Variants in PTPRG observed in about 807,000 individuals in gnomAD.
PTPRG encodes receptor-type tyrosine-protein phosphatase gamma.
Under a neutral mutation model 165.3 loss-of-function variants are expected in PTPRG, and 102 were observed. The observed-to-expected ratio is 0.62, with a 90% CI of 0.53 to 0.73. PTPRG has a LOEUF of 0.73. Ranked by LOEUF, PTPRG falls within the 30% of genes least tolerant of loss-of-function variation. PTPRG has a pLI of 0.00. For missense variants in PTPRG, 1,866 were observed against 1,861.4 expected (o/e 1.00, Z -0.05); for synonymous variants, 675 against 669.5 (o/e 1.01, Z -0.13).
At chr3:62,072,744 C>T (rs924899579) in intron 4 of PTPRG, among the ~76,000 whole-genome samples, 1 of 152,004 alleles carries the variant, frequency 6.6e-6, no homozygotes, top group Admixed American at 6.6e-5. Flanking sequence ...CCTTCCCTTG[C>T]AAAAGAGAGG....
intron 4 of PTPRG, among the ~76,000 whole-genome samples, chr3:62,053,006 C>A (rs1700512174): frequency 6.6e-6 from 1 of 152,064 alleles, no homozygotes; most frequent in South Asian, 2.1e-4. Flanking sequence ...ATTTTTAAAC[C>A]ATTTCTTAGA....
intron 5 of PTPRG, among the ~76,000 whole-genome samples, chr3:62,094,272 T>G (rs1702037115): frequency 6.6e-6 from 1 of 152,056 alleles, no homozygotes; most frequent in Admixed American, 6.5e-5. Flanking sequence ...TTCCAAAGAG[T>G]GTGGATCTAG....
At chr3:61,755,158 C>T (rs1323560827) in intron 2 of PTPRG, among the ~76,000 whole-genome samples, 1 of 152,160 alleles carries the variant, frequency 6.6e-6, no homozygotes. Context: ...CAGGCATGTG[C>T]CACCACGCCC....
chr3:62,123,289 C>G (rs1703148804), intron 5 of PTPRG, among the ~76,000 whole-genome samples: 1 of 152,158 alleles, frequency 6.6e-6, no homozygotes, highest in Non-Finnish European at 1.5e-5. Flanking sequence ...CCAAAGGCTG[C>G]TGTCACTTCC....
At chr3:61,890,972 T>C (rs1243860988) in intron 2 of PTPRG, among the ~76,000 whole-genome samples, 1 of 152,212 alleles carries the variant, frequency 6.6e-6, no homozygotes, top group Non-Finnish European at 1.5e-5. Context: ...CTTGAAAATT[T>C]GATGTTTTTA....
chr3:62,024,948 G>T (rs1050100495), intron 4 of PTPRG, among the ~76,000 whole-genome samples: 1 of 152,152 alleles, frequency 6.6e-6, no homozygotes, highest in African/African-American at 2.4e-5. Context: ...TTCGAAGCAG[G>T]TTGCTGCCTC....
At chr3:61,859,486 C>T (rs2037200604) in intron 2 of PTPRG, among the ~76,000 whole-genome samples, 1 of 152,098 alleles carries the variant, frequency 6.6e-6, no homozygotes, top group African/African-American at 2.4e-5. Context: ...CCCCCTATGC[C>T]TCTGTCCCCC....
intron 28 of PTPRG, among the ~76,000 whole-genome samples, chr3:62,285,130 A>G (rs1051456691): frequency 6.6e-6 from 1 of 152,078 alleles, no homozygotes; most frequent in African/African-American, 2.4e-5. Context: ...GAGGCCAGCA[A>G]TGGTAATTTA....
chr3:62,037,173 A>G (rs925324748), intron 4 of PTPRG, among the ~76,000 whole-genome samples: 7 of 152,246 alleles, frequency 4.6e-5, no homozygotes, highest in African/African-American at 1.7e-4. Flanking sequence ...ACTGATGCCC[A>G]GCACACACAG....
At chr3:61,667,451 T>A (rs572792746) in intron 1 of PTPRG, among the ~76,000 whole-genome samples, 1 of 152,286 alleles carries the variant, frequency 6.6e-6, no homozygotes, top group South Asian at 2.1e-4. Flanking sequence ...TTAATTAGAT[T>A]TAAAATGATG....
At chr3:62,074,020 A>T (rs1262257333) in intron 4 of PTPRG, among the ~76,000 whole-genome samples, 1 of 152,206 alleles carries the variant, frequency 6.6e-6, no homozygotes, top group African/African-American at 2.4e-5. Context: ...TGAATTAGAT[A>T]ATAGTATTGT....
intron 3 of PTPRG, among the ~76,000 whole-genome samples, chr3:61,993,148 ATTTC>A (rs377171077): frequency 0.011 from 1,638 of 149,594 alleles, 23 homozygotes; most frequent in African/African-American, 0.038. Flanking sequence ...TAGGTAACCT[ATTTC>A]TTTTTTTTTT....
At chr3:61,987,236 C>G (rs1268543450) in intron 2 of PTPRG, among the ~76,000 whole-genome samples, 1 of 152,186 alleles carries the variant, frequency 6.6e-6, no homozygotes, top group East Asian at 1.9e-4. Context: ...AGTGGAAGAT[C>G]AGTTTCAATT....
chr3:61,887,677 A>G (rs539408332), intron 2 of PTPRG, among the ~76,000 whole-genome samples: 12 of 151,928 alleles, frequency 7.9e-5, no homozygotes, highest in East Asian at 3.9e-4. Flanking sequence ...TCTATGCCAT[A>G]TATTACCAGA....
chr3:61,989,588 G>A, intron 2 of PTPRG, 37 bp from the exon 3 acceptor site: 1 of 1,596,430 alleles, frequency 6.3e-7, no homozygotes. Flanking sequence ...CCTGACCCTT[G>A]AACCATGAGG....
At chr3:62,199,550 A>G (rs1160464408) in intron 10 of PTPRG, among the ~76,000 whole-genome samples, 1 of 152,218 alleles carries the variant, frequency 6.6e-6, no homozygotes, top group Non-Finnish European at 1.5e-5. Flanking sequence ...TAAAGCTACC[A>G]TCTACAATAT....
At chr3:61,733,275 C>A (rs930697293) in intron 1 of PTPRG, among the ~76,000 whole-genome samples, 1 of 152,114 alleles carries the variant, frequency 6.6e-6, no homozygotes, top group African/African-American at 2.4e-5. Context: ...CTTCATGATT[C>A]ATTTCTATGT....
chr3:61,862,312 G>GTGTCATGTAGTTCCT (rs1553683117), intron 2 of PTPRG, among the ~76,000 whole-genome samples: 2 of 151,944 alleles, frequency 1.3e-5, no homozygotes, highest in Non-Finnish European at 2.9e-5. Context: ...ATGTAGTGTA[G>GTGTCATGTAGTTCCT]TGGCCTCCTT....
At chr3:62,131,374 C>T (rs899230462) in intron 5 of PTPRG, among the ~76,000 whole-genome samples, 7 of 152,182 alleles carry the variant, frequency 4.6e-5, no homozygotes, top group Admixed American at 4.6e-4. Context: ...GAAGTGTGTG[C>T]AGTGTGTGTT....
Sources: allele counts gnomAD v4.1 joint callset (sites outside exome capture counted in the v4.1 genomes callset), GRCh38; gene constraint gnomAD v4.1.1; transcripts MANE v1.5; gene names NCBI Gene and HGNC (gene_info 2026-07-23, HGNC 2026-07-21).